Variants in EBF1 observed in about 807,000 individuals in gnomAD.
EBF1 encodes transcription factor COE1.
Under a neutral mutation model 68.4 loss-of-function variants are expected in EBF1, and 10 were observed. That is an observed-to-expected ratio of 0.15 (90% CI 0.09 to 0.25). The LOEUF is 0.25. EBF1 is among the 10% of genes least tolerant of loss of function. EBF1 has a pLI of 1.00. For synonymous variants in EBF1, 298 were observed against 299.8 expected (o/e 0.99, Z 0.06); for missense variants, 509 against 794.4 (o/e 0.64, Z 4.32).
chr5:158,966,146 C>T (rs1207379502), intron 6 of EBF1, among the ~76,000 whole-genome samples: 1 of 152,186 alleles, frequency 6.6e-6, no homozygotes, highest in African/African-American at 2.4e-5. Context: ...CTAAAACACA[C>T]ACTGGTATTT....
intron 6 of EBF1, among the ~76,000 whole-genome samples, chr5:158,941,410 C>T (rs371912394): frequency 1.6e-4 from 24 of 152,296 alleles, no homozygotes; most frequent in African/African-American, 5.8e-4. Context: ...CTGCAAGTTT[C>T]GAAGGAAGAT....
intron 6 of EBF1, among the ~76,000 whole-genome samples, chr5:158,937,105 A>G (rs1241397747): frequency 6.6e-6 from 1 of 151,822 alleles, no homozygotes; most frequent in African/African-American, 2.4e-5. Flanking sequence ...CAATAGTACA[A>G]TGAAGTACAG....
chr5:158,887,027 A>G (rs1045591405), intron 6 of EBF1, among the ~76,000 whole-genome samples: 1 of 152,202 alleles, frequency 6.6e-6, no homozygotes, highest in African/African-American at 2.4e-5. Flanking sequence ...ACTTTATATT[A>G]ACAGAAGAGG....
intron 6 of EBF1, among the ~76,000 whole-genome samples, chr5:158,950,805 T>C (rs1815795721): frequency 6.6e-6 from 1 of 152,138 alleles, no homozygotes; most frequent in South Asian, 2.1e-4. Flanking sequence ...CTCTAACCCA[T>C]AGTCACTCCT....
rs555458514 is a variant in EBF1, at chr5:158,833,559, T to A, written c.636+6470A>T. 3.9e-5 allele frequency among the ~76,000 whole-genome samples: 6 copies of A among 152,308 alleles called. No individual in the cohort carries two copies. In the South Asian group the frequency reaches 6.2e-4, roughly 16 times the overall value. ...GACCATGTGACTGACTTCTAGCCAA[T>A]GGAAGTGAGCAAATTTGTAAGCCAA... is the stretch of plus-strand genomic sequence containing the variant. On this transcript the variant is annotated intron_variant, in intron 7 of 15. Coordinates refer to ENST00000313708, the MANE Select transcript of EBF1 (RefSeq NM_024007.5).
At position 159,005,107 on chromosome 5, in the gene EBF1, G is replaced by C. The variant is rs1763295081; in HGVS notation, c.554+68289C>G. Among the ~76,000 whole-genome samples, 3 of 152,138 alleles carry C rather than the reference G, an allele frequency of 2.0e-5. No individual in the cohort carries two copies. In the South Asian group the frequency reaches 6.2e-4, roughly 32 times the overall value. The stretch of plus-strand genomic sequence containing the variant: ...GGACAAGCTTTCTGGAATCTGCCGG[G>C]GCTAGACCTTGACATTCATCCAGAA... On this transcript the variant is annotated intron_variant, in intron 6 of 15. Coordinates refer to ENST00000313708, the MANE Select transcript of EBF1 (RefSeq NM_024007.5).
intron 6 of EBF1, among the ~76,000 whole-genome samples, chr5:159,016,890 T>C (rs1765712165): frequency 6.6e-6 from 1 of 151,990 alleles, no homozygotes; most frequent in Non-Finnish European, 1.5e-5. Flanking sequence ...CCACAGAAAA[T>C]CACAAACACA....
intron 9 of EBF1, among the ~76,000 whole-genome samples, chr5:158,785,357 A>G (rs1024224379): frequency 6.6e-6 from 1 of 152,166 alleles, no homozygotes; most frequent in Admixed American, 6.5e-5. Context: ...TATGAAAAGT[A>G]TATATTCTTG....
At chr5:158,712,355 G>A (rs747900765) in intron 13 of EBF1, 22 bp from the exon 14 acceptor site, 11 of 1,611,110 alleles carry the variant, frequency 6.8e-6, no homozygotes, top group Admixed American at 6.7e-5. Context: ...GGGCAAAACC[G>A]GAGGTGAGGG....
chr5:158,892,875 C>T (rs1435121835), intron 6 of EBF1, among the ~76,000 whole-genome samples: 4 of 151,726 alleles, frequency 2.6e-5, no homozygotes, highest in Non-Finnish European at 5.9e-5. Flanking sequence ...TTTGCTCACT[C>T]AGCACCTACT....
intron 6 of EBF1, among the ~76,000 whole-genome samples, chr5:158,974,748 A>T (rs897194253): frequency 1.3e-5 from 2 of 152,220 alleles, no homozygotes; most frequent in African/African-American, 4.8e-5. Context: ...GACTTTAAGG[A>T]GAAAAAACAG....
intron 6 of EBF1, among the ~76,000 whole-genome samples, chr5:158,972,918 G>A (rs933361306): frequency 1.3e-5 from 2 of 152,186 alleles, no homozygotes; most frequent in Admixed American, 6.5e-5. Context: ...CTAGCTATCC[G>A]CAAGGCTCTG....
chr5:158,720,298 C>T (rs769956646), intron 11 of EBF1, among the ~76,000 whole-genome samples: 6 of 152,056 alleles, frequency 3.9e-5, no homozygotes, highest in African/African-American at 1.4e-4. Flanking sequence ...TTGGAAAGGC[C>T]GAATGCTGAG....
intron 6 of EBF1, among the ~76,000 whole-genome samples, chr5:159,012,661 T>C (rs1445611699): frequency 6.8e-6 from 1 of 147,896 alleles, no homozygotes; most frequent in Non-Finnish European, 1.5e-5. Flanking sequence ...ATTTTTGTAC[T>C]TTTTTTTTGT....
intron 6 of EBF1, among the ~76,000 whole-genome samples, chr5:159,012,389 G>A (rs1238456683): frequency 1.3e-5 from 2 of 152,066 alleles, no homozygotes; most frequent in Non-Finnish European, 1.5e-5. Flanking sequence ...CATGGCCACT[G>A]CCATGGGCTG....
intron 10 of EBF1, among the ~76,000 whole-genome samples, chr5:158,740,332 G>A (rs1332653994): frequency 1.3e-5 from 2 of 152,102 alleles, no homozygotes; most frequent in Non-Finnish European, 2.9e-5. Flanking sequence ...ACTTGTGATT[G>A]TTAATATCAT....
intron 6 of EBF1, among the ~76,000 whole-genome samples, chr5:158,883,022 T>A (rs1363442670): frequency 6.6e-6 from 1 of 152,134 alleles, no homozygotes; most frequent in East Asian, 1.9e-4. Flanking sequence ...TATTTCTTTA[T>A]GGAAGAGGAG....
chr5:158,721,290 A>ACT (rs1761881919), intron 11 of EBF1, among the ~76,000 whole-genome samples: 1 of 152,082 alleles, frequency 6.6e-6, no homozygotes. Context: ...GGTATAGGAG[A>ACT]CTCTGAATCA....
At chr5:158,983,895 A>ACAGTGT (rs1758403393) in intron 6 of EBF1, 1 of 92,518 alleles carries the variant, frequency 1.1e-5, no homozygotes, top group Admixed American at 1.2e-4. Context: ...TGCAACTGTA[A>ACAGTGT]GAGTGTGTGT....
Sources: allele counts gnomAD v4.1 joint callset (sites outside exome capture counted in the v4.1 genomes callset), GRCh38; gene constraint gnomAD v4.1.1; transcripts MANE v1.5; gene names NCBI Gene and HGNC (gene_info 2026-07-23, HGNC 2026-07-21).